Variants in SCARA3 observed in about 807,000 individuals in gnomAD.
SCARA3 encodes the protein cellular stress response gene protein.
Under a neutral mutation model 47.0 loss-of-function variants are expected in SCARA3, and 39 were observed. That is an observed-to-expected ratio of 0.83 (90% confidence interval 0.64 to 1.08). The LOEUF is 1.08. SCARA3 is among the 50% of genes least tolerant of loss of function. The pLI is 0.00. For missense variants in SCARA3, 724 were observed against 792.3 expected, an observed-to-expected ratio of 0.91 and a Z score of 1.04; for synonymous variants, 356 against 334.1, an observed-to-expected ratio of 1.07 and a Z score of -0.71.
At chr8:27,710,101 ATGCCTGTAGTCCCAGCTG>A in the SCARA3 span, among the ~76,000 whole-genome samples, 1 of 152,102 alleles carries the variant, frequency 6.6e-6, no homozygotes, top group African/African-American at 2.4e-5. Flanking sequence ...GTGGTGGTGC[ATGCCTGTAGTCCCAGCTG>A]CTCGGGAGGC....
intron 3 of SCARA3, among the ~76,000 whole-genome samples, chr8:27,655,928 G>C (rs1172311698): frequency 6.6e-6 from 1 of 152,300 alleles, no homozygotes; most frequent in East Asian, 1.9e-4. Flanking sequence ...TTTTGCTTTT[G>C]TTGCCTAAGA....
intron 5 of SCARA3, among the ~76,000 whole-genome samples, chr8:27,668,546 CAAAA>C (rs61162841): frequency 1.4e-5 from 1 of 69,832 alleles, no homozygotes. Flanking sequence ...GACTCCGTCT[CAAAA>C]AAAAAAAAAA....
chr8:27,676,696 A>G, downstream of SCARA3: 2 of 731,574 alleles, frequency 2.7e-6, no homozygotes, highest in Non-Finnish European at 4.8e-6. Context: ...TTAAGCACAT[A>G]TTATGCCTTG....
chr8:27,649,535 T>C (rs1174841196), intron 1 of SCARA3, among the ~76,000 whole-genome samples, 167 bp from the exon 2 acceptor site: 2 of 152,182 alleles, frequency 1.3e-5, no homozygotes, highest in Non-Finnish European at 2.9e-5. Flanking sequence ...CTCAGCCACT[T>C]GATTCTTATG....
At chr8:27,710,915 ATT>A in the SCARA3 span, among the ~76,000 whole-genome samples, 25,651 of 96,130 alleles carry the variant, frequency 0.27, 2,193 homozygotes, top group East Asian at 0.4. Flanking sequence ...CTCATAGGTG[ATT>A]TTTTTTTTTT....
At chr8:27,646,217 T>C (rs1801489525) in intron 1 of SCARA3, among the ~76,000 whole-genome samples, 1 of 151,890 alleles carries the variant, frequency 6.6e-6, no homozygotes, top group African/African-American at 2.4e-5. Context: ...ACACCCGTGG[T>C]CCCCCTAGTC....
the SCARA3 span, among the ~76,000 whole-genome samples, chr8:27,682,846 A>G: frequency 1.2e-3 from 177 of 152,294 alleles, no homozygotes; most frequent in African/African-American, 3.9e-3. Context: ...TTGATAGATA[A>G]CTACTTTGAA....
the SCARA3 span, among the ~76,000 whole-genome samples, chr8:27,715,589 T>TA: frequency 1.3e-4 from 6 of 45,720 alleles, no homozygotes; most frequent in African/African-American, 5.8e-4. This position sits in a 1 kb window ranked among gnomAD's most constrained non-coding sequence, Gnocchi z 4.2. Flanking sequence ...CCTAGATAGA[T>TA]GATAGATAGA....
intron 1 of SCARA3, among the ~76,000 whole-genome samples, chr8:27,643,611 G>A (rs964351506): frequency 2.6e-5 from 4 of 152,170 alleles, no homozygotes; most frequent in African/African-American, 7.2e-5. Context: ...TACTTATAGC[G>A]TTCTCCAACC....
chr8:27,660,546 GATAGATAGATAGATA>G (rs1273195637), intron 5 of SCARA3, among the ~76,000 whole-genome samples: 4 of 151,500 alleles, frequency 2.6e-5, no homozygotes, highest in Non-Finnish European at 4.4e-5. Flanking sequence ...TAGATAGATA[GATAGATAGATAGATA>G]ATAGATAGAT....
chr8:27,635,471 T>G (rs558726925), intron 1 of SCARA3, among the ~76,000 whole-genome samples: 1 of 152,258 alleles, frequency 6.6e-6, no homozygotes, highest in South Asian at 2.1e-4. Flanking sequence ...ATTTTAGAGA[T>G]AGGGACTCAA....
the SCARA3 span, among the ~76,000 whole-genome samples, chr8:27,697,041 A>G: frequency 1.3e-5 from 2 of 152,194 alleles, no homozygotes; most frequent in Non-Finnish European, 2.9e-5. Context: ...ATGGTATGTA[A>G]GTTGTATCCT....
chr8:27,656,632 T>C, intron 3 of SCARA3, 150 bp from the exon 4 acceptor site: 1 of 615,130 alleles, frequency 1.6e-6, no homozygotes, highest in Non-Finnish European at 2.9e-6. Context: ...CCATAAGAAG[T>C]ATCTTCCCTA....
chr8:27,663,363 C>T (rs1277581434), intron 5 of SCARA3, among the ~76,000 whole-genome samples: 1 of 152,196 alleles, frequency 6.6e-6, no homozygotes, highest in East Asian at 1.9e-4. Context: ...CCCATGAGGC[C>T]ACAGGTGCAG....
At chr8:27,690,392 C>T in the SCARA3 span, among the ~76,000 whole-genome samples, 3 of 152,224 alleles carry the variant, frequency 2.0e-5, no homozygotes, top group Admixed American at 6.5e-5. Flanking sequence ...TTCTGTATCT[C>T]TCTGCCTCTC....
rs770242549 is a variant in SCARA3, at chr8:27,656,852, G to T, written c.297G>T (p.Val99=). The T allele has an allele frequency of 1.2e-6, 2 of 1,611,174 alleles. No individual in the cohort carries two copies. Among genetic ancestry groups the T allele is most frequent in the Non-Finnish European group, 1.7e-6 (2 of 1,177,272 alleles). Residue 99 remains valine, a synonymous_variant, in exon 4 of 6, where the codon GTG becomes GTT. Transcript: ENST00000301904. ...AGTCTATTTATGACAAGAAGCTTGT[G>T]TTAATGCAGAAAAATCTCCAGGGCC... is the stretch of plus-strand genomic sequence containing the variant. ...LTQSIYDKKL[V]LMQKNLQGLD... is the part of the protein sequence containing the mutation.
At chr8:27,636,282 C>A (rs1029002508) in intron 1 of SCARA3, among the ~76,000 whole-genome samples, 1 of 152,176 alleles carries the variant, frequency 6.6e-6, no homozygotes, top group African/African-American at 2.4e-5. Flanking sequence ...CAATTCCAGA[C>A]AAGCACCAGC....
the SCARA3 span, among the ~76,000 whole-genome samples, chr8:27,726,593 G>C: frequency 7.6e-3 from 1,150 of 151,752 alleles, 13 homozygotes; most frequent in African/African-American, 0.026. Flanking sequence ...CCAGCGACTT[G>C]GGAGACTGAG....
intron 1 of SCARA3, among the ~76,000 whole-genome samples, chr8:27,638,264 A>G (rs1563398871): frequency 6.6e-6 from 1 of 151,734 alleles, no homozygotes; most frequent in Admixed American, 6.6e-5. Flanking sequence ...ATAGCTGGGC[A>G]TGGCTCTCAT....
Sources: gnomAD v4.1 joint callset for allele counts (sites outside exome capture counted in the v4.1 genomes callset) on GRCh38, gnomAD v4.1.1 for gene constraint, Gnocchi (gnomAD v3.1) non-coding constraint, MANE v1.5 for transcripts, NCBI Gene and HGNC (gene_info 2026-07-23, HGNC 2026-07-21) for gene names.